FMN2: variants seen among roughly 807,000 people sequenced by gnomAD.
The protein encoded by FMN2 is formin 2, also known as formin-2.
In FMN2, 51 loss-of-function variants were observed where a neutral mutation model predicts 142.3. The ratio of observed to expected loss-of-function variants is 0.36; its 90% CI spans 0.29 to 0.45. The LOEUF is 0.45. FMN2 is among the 20% of genes least tolerant of loss of function. The pLI, the probability that FMN2 is intolerant of heterozygous loss-of-function variation, is 1.00. For missense variants in FMN2, 1,936 were observed against 2,122.8 expected (o/e 0.91, Z 1.73); for synonymous variants, 882 against 869.8 (o/e 1.01, Z -0.25).
At chr1:240,383,765 C>T (rs1673308094) in intron 14 of FMN2, among the ~76,000 whole-genome samples, 1 of 151,982 alleles carries the variant, frequency 6.6e-6, no homozygotes, top group African/African-American at 2.4e-5. Flanking sequence ...GAGAAGAAAT[C>T]ATTGTGTAGG....
At chr1:240,221,084 A>G (rs1384088087) in intron 6 of FMN2, among the ~76,000 whole-genome samples, 2 of 152,158 alleles carry the variant, frequency 1.3e-5, no homozygotes, top group East Asian at 1.9e-4. Context: ...TCCATGGTGT[A>G]TATGTGCCAC....
intron 15 of FMN2, among the ~76,000 whole-genome samples, chr1:240,421,309 T>G (rs1674754639): frequency 6.6e-6 from 1 of 152,230 alleles, no homozygotes; most frequent in African/African-American, 2.4e-5. Flanking sequence ...ACATTTCATT[T>G]CGTTTAATTT....
At chr1:240,304,420 G>C (rs1414397284) in intron 8 of FMN2, among the ~76,000 whole-genome samples, 1 of 152,106 alleles carries the variant, frequency 6.6e-6, no homozygotes, top group Non-Finnish European at 1.5e-5. Context: ...TAAACTTAAG[G>C]TCTTCTCAGG....
At chr1:240,290,938 C>A (rs1029549286) in intron 7 of FMN2, among the ~76,000 whole-genome samples, 1 of 151,712 alleles carries the variant, frequency 6.6e-6, no homozygotes, top group South Asian at 2.1e-4. Context: ...CTTAGCCTCC[C>A]GAGTAGCTGG....
intron 15 of FMN2, among the ~76,000 whole-genome samples, chr1:240,409,506 T>C (rs1009041539): frequency 6.6e-6 from 1 of 152,234 alleles, no homozygotes; most frequent in Non-Finnish European, 1.5e-5. Flanking sequence ...ACATTTTGCA[T>C]TTCTGTATTG....
rs114248364 is a variant in FMN2, at chr1:240,330,539, C to T, written c.4438-64C>T. On this transcript the variant is annotated intron_variant, in intron 10 of 17. Coordinates refer to ENST00000319653, the MANE Select transcript of FMN2 (RefSeq NM_020066.5). Reference sequence around the variant, plus strand: ...ATAATATAAATAGCTGGCATCAACTCGATGATTCAAACAAAACCTGGTATA... The same window carrying T: ...ATAATATAAATAGCTGGCATCAACTTGATGATTCAAACAAAACCTGGTATA... 2,422 of 1,550,724 alleles carry T rather than the reference C, an allele frequency of 1.6e-3. 41 individuals are homozygous for T. In the African/African-American group the frequency reaches 0.03, roughly 19 times the overall value.
chr1:240,236,651 G>C (rs1290060611), intron 6 of FMN2, among the ~76,000 whole-genome samples: 1 of 152,160 alleles, frequency 6.6e-6, no homozygotes, highest in Non-Finnish European at 1.5e-5. Flanking sequence ...TGGTGAGAGA[G>C]GAAGCAAGAG....
chr1:240,429,739 A>G (rs1675074434), intron 15 of FMN2, among the ~76,000 whole-genome samples: 2 of 152,030 alleles, frequency 1.3e-5, no homozygotes, highest in Non-Finnish European at 2.9e-5. Flanking sequence ...TATATCAGCA[A>G]CTTCTTCCTT....
rs1170766050 is a variant in FMN2 at position 240,363,478 on chromosome 1, C to A, written c.4858+7570C>A. ...GCCCTGCTGGTAAATCATGGGACTTCGTCCAAGCCCTTGCTTGGCCCCTCC... is the reference window on the plus strand; with the variant it reads ...GCCCTGCTGGTAAATCATGGGACTTAGTCCAAGCCCTTGCTTGGCCCCTCC... On this transcript the variant is annotated intron_variant, in intron 14 of 17. Transcript: ENST00000319653. 2.6e-5 allele frequency among the ~76,000 whole-genome samples: 4 copies of A among 152,204 alleles called. No individual in the cohort carries two copies. The East Asian group carries it at 7.7e-4, about 29-fold the overall frequency.
chr1:240,122,471 C>T (rs911393652), intron 1 of FMN2, among the ~76,000 whole-genome samples: 18 of 152,118 alleles, frequency 1.2e-4, no homozygotes, highest in African/African-American at 3.6e-4. Context: ...TTAATAGAGA[C>T]GGGGTTTTGC....
chr1:240,350,013 A>C (rs529322129), intron 13 of FMN2, among the ~76,000 whole-genome samples: 45 of 152,242 alleles, frequency 3.0e-4, no homozygotes, highest in Non-Finnish European at 4.6e-4. Context: ...GTAATAGCCA[A>C]GATGATATGT....
At chr1:240,340,418 TA>T (rs1342472005) in intron 13 of FMN2, among the ~76,000 whole-genome samples, 2 of 152,010 alleles carry the variant, frequency 1.3e-5, no homozygotes, top group Admixed American at 1.3e-4. Context: ...CCATCTCTAC[TA>T]AAAATATAAA....
chr1:240,181,429 T>A (rs367934298), intron 3 of FMN2, among the ~76,000 whole-genome samples: 7 of 152,342 alleles, frequency 4.6e-5, no homozygotes, highest in African/African-American at 1.7e-4. Context: ...TCACTTTAAC[T>A]TTTTCACGAT....
At chr1:240,390,478 C>T (rs1673569152) in intron 14 of FMN2, among the ~76,000 whole-genome samples, 1 of 152,194 alleles carries the variant, frequency 6.6e-6, no homozygotes, top group Non-Finnish European at 1.5e-5. Context: ...ACAAATGAAA[C>T]TTACTTTATT....
intron 2 of FMN2, among the ~76,000 whole-genome samples, chr1:240,150,393 C>T (rs1663712792): frequency 1.3e-5 from 2 of 152,150 alleles, no homozygotes; most frequent in Admixed American, 6.5e-5. Context: ...CCCATGTGCT[C>T]ATTAATTATG....
intron 8 of FMN2, among the ~76,000 whole-genome samples, chr1:240,323,507 C>G (rs73124125): frequency 0.011 from 1,669 of 152,144 alleles, 32 homozygotes; most frequent in African/African-American, 0.037. Flanking sequence ...GACCTTTGAC[C>G]TTTTTCACTC....
At chr1:240,431,960 A>G (rs566106846) in intron 15 of FMN2, among the ~76,000 whole-genome samples, 3 of 151,168 alleles carry the variant, frequency 2.0e-5, no homozygotes, top group African/African-American at 4.8e-5. Context: ...TTAGTTTTCC[A>G]TATCAACATC....
intron 6 of FMN2, among the ~76,000 whole-genome samples, chr1:240,230,216 G>A (rs894320364): frequency 1.5e-5 from 2 of 129,224 alleles, no homozygotes; most frequent in Non-Finnish European, 3.2e-5. Flanking sequence ...ACTCCCAGCT[G>A]CTTGAGAGGC....
chr1:240,219,754 G>A (rs1032238696), intron 6 of FMN2, among the ~76,000 whole-genome samples: 8 of 151,696 alleles, frequency 5.3e-5, no homozygotes, highest in East Asian at 1.9e-4. Context: ...TCCCTGGCTC[G>A]AGCAATCCTC....
Sources: allele counts gnomAD v4.1 joint callset (sites outside exome capture counted in the v4.1 genomes callset), GRCh38; gene constraint gnomAD v4.1.1; transcripts MANE v1.5; gene names NCBI Gene and HGNC (gene_info 2026-07-23, HGNC 2026-07-21).